COL4A3: variants seen among roughly 807,000 people sequenced by gnomAD.
The protein encoded by COL4A3 is collagen alpha-3(IV) chain.
In COL4A3, 135 loss-of-function variants were observed where a neutral mutation model predicts 217.4. The ratio of observed to expected loss-of-function variants is 0.62; its 90% CI spans 0.54 to 0.72. COL4A3 has a LOEUF of 0.72. COL4A3 is among the 30% of genes least tolerant of loss of function. COL4A3 has a pLI of 0.00. For synonymous variants in COL4A3, 690 were observed against 736.3 expected, an observed-to-expected ratio of 0.94 and a Z score of 1.02; for missense variants, 1,868 against 2,119.9, an observed-to-expected ratio of 0.88 and a Z score of 2.33.
At chr2:227,240,279 C>G (rs1376322695) in intron 3 of COL4A3, 47 bp downstream of exon 3, 1 of 1,525,790 alleles carries the variant, frequency 6.6e-7, no homozygotes, top group African/African-American at 1.4e-5. Context: ...ACCTAACCCT[C>G]TTCCTGCCTA....
Position 227,282,343 on chromosome 2 carries a change from T to A in COL4A3, c.2489-22T>A, listed in dbSNP as rs2072036201. The stretch of plus-strand genomic sequence containing the variant: ...GGAAAGCATTTGTGGGTTAATTAAT[T>A]CATTCATTTATTCGTACACAGGCAG... On this transcript the variant is annotated intron_variant, in intron 31 of 51. Coordinates refer to ENST00000396578, the MANE Select transcript of COL4A3 (RefSeq NM_000091.5). This position sits in a 1 kb window ranked among gnomAD's most constrained non-coding sequence, Gnocchi z 4.4. 2 of 1,597,492 alleles carry A rather than the reference T, an allele frequency of 1.3e-6. No homozygotes were observed.
chr2:227,283,405 A>G (rs2072107838), intron 32 of COL4A3, among the ~76,000 whole-genome samples: 1 of 152,248 alleles, frequency 6.6e-6, no homozygotes, highest in Non-Finnish European at 1.5e-5. Context: ...GTAGAGGATC[A>G]ATAATAGAAA....
At position 227,253,724 on chromosome 2, in the gene COL4A3, T is replaced by G; in HGVS notation, c.765+86T>G. 8.5e-7 allele frequency: 1 copy of G among 1,175,396 alleles called. No individual in the cohort carries two copies. Among genetic ancestry groups the G allele is most frequent in the Non-Finnish European group, 1.3e-6 (1 of 780,264 alleles). 72.8% of individuals were successfully genotyped at this position (1,175,396 alleles called of 1,614,324 possible). A position where few individuals can be genotyped will look rare whatever the true frequency, so the allele number is the denominator to read the frequency against. ...GACCCTGCACCTCTTTTACAAGCTCTTGTTATCTAAGTCCAGCTCAGCCCA... is the reference window on the plus strand; with the variant it reads ...GACCCTGCACCTCTTTTACAAGCTCGTGTTATCTAAGTCCAGCTCAGCCCA... On this transcript the variant is annotated intron_variant, in intron 13 of 51. Transcript: ENST00000396578. This position sits in a 1 kb window ranked among gnomAD's most constrained non-coding sequence, Gnocchi z 4.4.
chr2:227,271,070 G>C, intron 25 of COL4A3, 118 bp downstream of exon 25: 1 of 863,816 alleles, frequency 1.2e-6, no homozygotes, highest in Non-Finnish European at 1.9e-6. Context: ...TCTAACTGCA[G>C]AATGAAACAT....
intron 48 of COL4A3, 55 bp from the exon 49 acceptor site, chr2:227,308,844 T>C: frequency 6.4e-7 from 1 of 1,557,024 alleles, no homozygotes; most frequent in Non-Finnish European, 8.8e-7. Flanking sequence ...CTAGTAACGA[T>C]GCTGAAAATA....
At chr2:227,267,407 T>G (rs1475253189) in intron 23 of COL4A3, among the ~76,000 whole-genome samples, 1 of 152,222 alleles carries the variant, frequency 6.6e-6, no homozygotes, top group Non-Finnish European at 1.5e-5. Flanking sequence ...CCTCTTTCTC[T>G]TCCATAAAGA....
At chr2:227,221,986 T>TA (rs58375352) in intron 1 of COL4A3, among the ~76,000 whole-genome samples, 26,426 of 151,578 alleles carry the variant, frequency 0.17, 2,950 homozygotes, top group East Asian at 0.57. Context: ...TCCTTGTGTT[T>TA]AAAATGCTCC....
At chr2:227,227,436 G>A (rs1392213792) in intron 1 of COL4A3, among the ~76,000 whole-genome samples, 4 of 151,984 alleles carry the variant, frequency 2.6e-5, no homozygotes, top group Non-Finnish European at 5.9e-5. Flanking sequence ...ATCTCTACTG[G>A]AGAATCATTT....
rs11286889 is a variant in COL4A3 at position 227,311,380 on chromosome 2, C to CTT, written c.4929-393_4929-392dup. Among the ~76,000 whole-genome samples, 5 of 141,784 alleles carry CTT rather than the reference C, an allele frequency of 3.5e-5. No individual in the cohort carries two copies. In the East Asian group the frequency reaches 8.2e-4, roughly 23 times the overall value. 93.0% of individuals were successfully genotyped at this position (141,784 alleles called of 152,430 possible). On this transcript the variant is annotated intron_variant, in intron 51 of 51. Coordinates refer to ENST00000396578, the MANE Select transcript of COL4A3 (RefSeq NM_000091.5). ...TCCATTAATATAATAAATTTCTCTC[C>CTT]TTTTTTTTTTTTTTCTTGAGATGGA... is the stretch of plus-strand genomic sequence containing the variant.
chr2:227,174,268 G>A (rs2065595067), intron 1 of COL4A3, among the ~76,000 whole-genome samples: 1 of 152,022 alleles, frequency 6.6e-6, no homozygotes, highest in Admixed American at 6.6e-5. Context: ...ATGGGGCAAG[G>A]GAAATATATT....
At chr2:227,298,183 A>C (rs1489301703) in intron 42 of COL4A3, among the ~76,000 whole-genome samples, 1 of 152,128 alleles carries the variant, frequency 6.6e-6, no homozygotes, top group Non-Finnish European at 1.5e-5. Context: ...CCCTGTCTCT[A>C]CTAAAAATAC....
intron 25 of COL4A3, 65 bp from the exon 26 acceptor site, chr2:227,272,884 T>C: frequency 2.7e-6 from 4 of 1,507,462 alleles, no homozygotes; most frequent in South Asian, 1.1e-5. Context: ...ATTTGGAGGA[T>C]GATTAACCTG....
intron 7 of COL4A3, 45 bp downstream of exon 7, chr2:227,246,783 A>G (rs1488459518): frequency 2.6e-6 from 4 of 1,512,286 alleles, no homozygotes; most frequent in Non-Finnish European, 3.7e-6. Flanking sequence ...TAAAGTATAA[A>G]TAACAGTGGT....
At position 227,282,275 on chromosome 2, in the gene COL4A3, A is replaced by ATATATATATACATATAT. The variant is rs1559896717; in HGVS notation, c.2489-90_2489-89insTATATATATACATATAT. The ATATATATATACATATAT allele has an allele frequency of 5.9e-4, 208 of 354,518 alleles. 3 individuals are homozygous for ATATATATATACATATAT. The highest frequency in any genetic ancestry group is 4.8e-3 in the African/African-American group (191 of 40,024). 22.0% of individuals were successfully genotyped at this position (354,518 alleles called of 1,614,324 possible). A position where few individuals can be genotyped will look rare whatever the true frequency, so the allele number is the denominator to read the frequency against. The stretch of plus-strand genomic sequence containing the variant: ...AGACAGAGGGAGATTCCATCTTAAA[A>ATATATATATACATATAT]ATATATATATATATATATATATATA... On this transcript the variant is annotated intron_variant, in intron 31 of 51. Transcript: ENST00000396578. This position sits in a 1 kb window ranked among gnomAD's most constrained non-coding sequence, Gnocchi z 4.4.
At chr2:227,280,864 T>C in intron 30 of COL4A3, 29 bp from the exon 31 acceptor site, 1 of 1,455,930 alleles carries the variant, frequency 6.9e-7, no homozygotes, top group African/African-American at 1.4e-5. Flanking sequence ...TTCTAGCACC[T>C]GGGTATATAC....
chr2:227,207,020 C>T (rs954676503), intron 1 of COL4A3, among the ~76,000 whole-genome samples: 4 of 152,036 alleles, frequency 2.6e-5, no homozygotes, highest in Non-Finnish European at 4.4e-5. Flanking sequence ...CAGGAGACAC[C>T]CTGGAATGGA....
chr2:227,171,460 G>A (rs956413812), intron 1 of COL4A3, among the ~76,000 whole-genome samples: 3 of 152,184 alleles, frequency 2.0e-5, no homozygotes, highest in African/African-American at 7.2e-5. Flanking sequence ...CCTCTAAACA[G>A]GAAAGTTGAG....
intron 42 of COL4A3, 113 bp downstream of exon 42, chr2:227,297,972 T>C: frequency 1.6e-6 from 2 of 1,218,560 alleles, no homozygotes; most frequent in Non-Finnish European, 2.4e-6. Flanking sequence ...TGTGGTCATC[T>C]CCATTCCCCC....
chr2:227,305,088 A>G lies in COL4A3; in HGVS notation c.4252+5A>G. The G allele has an allele frequency of 2.5e-6, 4 of 1,612,634 alleles. No homozygotes were observed. Among genetic ancestry groups the G allele is most frequent in the Non-Finnish European group, 3.4e-6 (4 of 1,179,170 alleles). ...AAGGTTCTAAAGGAGAGCCAGGTAA[A>G]CCCCCAGCTTGTTTCCTCACCGAAG... On this transcript the variant is annotated splice_donor_5th_base_variant and intron_variant, in intron 47 of 51. Transcript: ENST00000396578.
Sources: gnomAD v4.1 joint callset for allele counts (sites outside exome capture counted in the v4.1 genomes callset) on GRCh38, gnomAD v4.1.1 for gene constraint, Gnocchi (gnomAD v3.1) non-coding constraint, MANE v1.5 for transcripts, NCBI Gene and HGNC (gene_info 2026-07-23, HGNC 2026-07-21) for gene names.